GPC5: variants seen among roughly 807,000 people sequenced by gnomAD.
GPC5 encodes glypican-5.
Under a neutral mutation model 53.9 loss-of-function variants are expected in GPC5, and 47 were observed. The ratio of observed to expected loss-of-function variants is 0.87; its 90% CI spans 0.69 to 1.11. The LOEUF (loss-of-function observed/expected upper bound fraction) is 1.11, where lower values mean the gene tolerates loss of function less well. GPC5 is among the 50% of genes most tolerant of loss of function. GPC5 has a pLI of 0.00. For synonymous variants in GPC5, 286 were observed against 263.3 expected (o/e 1.09, Z -0.84); for missense variants, 748 against 713.1 (o/e 1.05, Z -0.56).
At chr13:92,612,659 A>G (rs1048276166) in intron 7 of GPC5, among the ~76,000 whole-genome samples, 2 of 152,124 alleles carry the variant, frequency 1.3e-5, no homozygotes, top group East Asian at 1.9e-4. Context: ...TAGTGCTCAC[A>G]TTGCACTATA....
intron 7 of GPC5, among the ~76,000 whole-genome samples, chr13:92,808,778 T>C (rs1877192277): frequency 6.6e-6 from 1 of 152,124 alleles, no homozygotes; most frequent in Non-Finnish European, 1.5e-5. Flanking sequence ...TTTGACACTT[T>C]ATTTTTAAAA....
chr13:91,475,567 G>A (rs574331966), intron 2 of GPC5, among the ~76,000 whole-genome samples: 6 of 152,242 alleles, frequency 3.9e-5, no homozygotes, highest in South Asian at 2.1e-4. Context: ...TTGGCTGATC[G>A]AGGCTTGGTT....
chr13:91,998,426 A>T (rs527943681), intron 6 of GPC5, among the ~76,000 whole-genome samples: 2 of 152,316 alleles, frequency 1.3e-5, no homozygotes, highest in South Asian at 2.1e-4. Flanking sequence ...GATTAATATC[A>T]TATATAATTT....
intron 7 of GPC5, among the ~76,000 whole-genome samples, chr13:92,445,566 T>C (rs1877778896): frequency 6.7e-6 from 1 of 148,946 alleles, no homozygotes; most frequent in Admixed American, 6.8e-5. Flanking sequence ...ATATGTGGTG[T>C]TTGGTTTTTT....
At chr13:92,132,410 T>C (rs1227762093) in intron 6 of GPC5, among the ~76,000 whole-genome samples, 1 of 152,124 alleles carries the variant, frequency 6.6e-6, no homozygotes, top group Admixed American at 6.6e-5. Flanking sequence ...TGTCACAGTT[T>C]GGGAAGCTTG....
rs79131923 is a variant in GPC5, at chr13:92,702,013, A to G, written c.1562-164269A>G. Among the ~76,000 whole-genome samples the G allele has an allele frequency of 2.9e-4, 44 of 150,922 alleles. No homozygotes were observed. The East Asian group carries it at 7.6e-3, about 26-fold the overall frequency. On this transcript the variant is annotated intron_variant, in intron 7 of 7. Transcript: ENST00000377067. ...TGTCATTTCAAAGATGTAGGTAACT[A>G]CTTTTCTCCCCTGTTATAGGAGATG...
At chr13:92,477,506 C>T (rs1361020687) in intron 7 of GPC5, among the ~76,000 whole-genome samples, 4 of 152,056 alleles carry the variant, frequency 2.6e-5, no homozygotes, top group Non-Finnish European at 5.9e-5. Context: ...TTTCTTCTTC[C>T]CTCTCCTGAG....
chr13:92,533,508 T>C (rs1372873186), intron 7 of GPC5, among the ~76,000 whole-genome samples: 1 of 152,210 alleles, frequency 6.6e-6, no homozygotes, highest in East Asian at 1.9e-4. Context: ...GAAACCCGTA[T>C]AATATAGCTT....
chr13:91,772,453 C>T (rs773451779), intron 5 of GPC5, among the ~76,000 whole-genome samples: 1 of 152,112 alleles, frequency 6.6e-6, no homozygotes, highest in Non-Finnish European at 1.5e-5. Context: ...AGTACATAAT[C>T]ATACATTTGG....
chr13:92,664,765 T>C (rs2152926), intron 7 of GPC5, among the ~76,000 whole-genome samples: 36,205 of 152,034 alleles, frequency 0.24, 5,003 homozygotes, highest in South Asian at 0.39. Context: ...GAAGAGCGAT[T>C]ACAAATATCT....
At chr13:92,158,453 A>G (rs965034078) in intron 7 of GPC5, among the ~76,000 whole-genome samples, 11 of 152,292 alleles carry the variant, frequency 7.2e-5, no homozygotes, top group Admixed American at 6.5e-5. Flanking sequence ...TCTTCATTCA[A>G]TACGTCTAAA....
At chr13:92,832,622 T>C (rs1029853517) in intron 7 of GPC5, among the ~76,000 whole-genome samples, 3 of 152,178 alleles carry the variant, frequency 2.0e-5, no homozygotes, top group Admixed American at 6.5e-5. Flanking sequence ...AACCTGCTCA[T>C]TCCTCTTGGT....
At chr13:92,466,959 A>G (rs1392000142) in intron 7 of GPC5, among the ~76,000 whole-genome samples, 1 of 152,156 alleles carries the variant, frequency 6.6e-6, no homozygotes, top group Non-Finnish European at 1.5e-5. Flanking sequence ...TGAGGTGCTA[A>G]TTAAAAGTCT....
At chr13:91,905,407 C>G (rs1329446116) in intron 5 of GPC5, among the ~76,000 whole-genome samples, 2 of 151,746 alleles carry the variant, frequency 1.3e-5, no homozygotes, top group Admixed American at 6.6e-5. Context: ...CTGCCAAATC[C>G]CTAATGAATA....
intron 2 of GPC5, among the ~76,000 whole-genome samples, chr13:91,543,616 A>T (rs1028237894): frequency 2.0e-5 from 3 of 152,150 alleles, no homozygotes; most frequent in Admixed American, 2.0e-4. Flanking sequence ...AATATGAGAA[A>T]TCTCTTCTGT....
At chr13:91,399,346 T>A in intron 1 of GPC5, 137 bp downstream of exon 1, 1 of 1,027,740 alleles carries the variant, frequency 9.7e-7, no homozygotes, top group Non-Finnish European at 1.4e-6. Context: ...CGGGGAGGCT[T>A]CCGGGGATGC....
rs771071886 is a variant in GPC5 at position 91,993,544 on chromosome 13, C to T, written c.1401+85487C>T. 9.9e-5 allele frequency among the ~76,000 whole-genome samples: 15 copies of T among 152,084 alleles called. No individual in the cohort carries two copies. In the South Asian group the frequency reaches 2.1e-3, roughly 21 times the overall value. ...ACTTATCAAAGTGTCAGCAGAAACA[C>T]GTTTTGTCAGATCAATTGTCATGTA... is the stretch of plus-strand genomic sequence containing the variant. On this transcript the variant is annotated intron_variant, in intron 6 of 7. Transcript: ENST00000377067.
intron 7 of GPC5, among the ~76,000 whole-genome samples, chr13:92,326,764 G>C (rs2043254236): frequency 6.6e-6 from 1 of 151,998 alleles, no homozygotes; most frequent in African/African-American, 2.4e-5. Flanking sequence ...AAGTAATTTG[G>C]GTAATTCTTT....
At chr13:91,978,057 G>GT (rs1299419614) in intron 6 of GPC5, among the ~76,000 whole-genome samples, 1 of 152,148 alleles carries the variant, frequency 6.6e-6, no homozygotes, top group African/African-American at 2.4e-5. Flanking sequence ...GAAGGCTGAG[G>GT]TGAGAGGATA....
Sources: gnomAD v4.1 joint callset for allele counts (sites outside exome capture counted in the v4.1 genomes callset) on GRCh38, gnomAD v4.1.1 for gene constraint, MANE v1.5 for transcripts, NCBI Gene and HGNC (gene_info 2026-07-23, HGNC 2026-07-21) for gene names.